The following CD207 variants were observed in gnomAD, a reference collection of about 807,000 sequenced individuals.
CD207 encodes CD207 molecule.
Under a neutral mutation model 31.6 loss-of-function variants are expected in CD207, and 28 were observed. The observed-to-expected ratio is 0.89, with a 90% CI of 0.66 to 1.21. The LOEUF (loss-of-function observed/expected upper bound fraction) is 1.21. Ranked by LOEUF, CD207 falls within the 50% of genes most tolerant of loss-of-function variation. The pLI, the probability that CD207 is intolerant of heterozygous loss-of-function variation, is 0.00. For synonymous variants in CD207, 168 were observed against 153.9 expected (o/e 1.09, Z -0.68); for missense variants, 388 against 397.8 (o/e 0.98, Z 0.21).
chr2:70,831,930 G>T, intron 4 of CD207, 111 bp from the exon 5 acceptor site: 1 of 707,810 alleles, frequency 1.4e-6, no homozygotes, highest in Non-Finnish European at 2.5e-6. Flanking sequence ...CAGATGCGCT[G>T]CACAAACTGG....
downstream of CD207, among the ~76,000 whole-genome samples, chr2:70,829,742 G>T (rs1237908184): frequency 6.6e-6 from 1 of 152,126 alleles, no homozygotes; most frequent in Non-Finnish European, 1.5e-5. Flanking sequence ...ACAACACACT[G>T]CTGGTTACAG....
chr2:70,829,375 T>C (rs1677415702), downstream of CD207, among the ~76,000 whole-genome samples: 1 of 152,156 alleles, frequency 6.6e-6, no homozygotes, highest in Non-Finnish European at 1.5e-5. Flanking sequence ...CCACATGGGG[T>C]CACCCTCAGG....
chr2:70,827,603 A>T (rs1453699362), downstream of CD207, among the ~76,000 whole-genome samples: 1 of 152,180 alleles, frequency 6.6e-6, no homozygotes, highest in Non-Finnish European at 1.5e-5. Context: ...CTTTGTAAGA[A>T]AAAGGGGAAG....
chr2:70,835,578 C>T lies in CD207; in HGVS notation c.103G>A (p.Val35Ile). The stretch of plus-strand genomic sequence containing the variant: ...CGGACTGTGGGTGTTTTCCCCGGGA[C>T]CAGAGATGGACCGGACTTGGGAGGA... ...EPPPKSGPSL[V>I]PGKTPTVRAA... is the part of the protein sequence containing the mutation. Residue 35 changes from valine to isoleucine, a missense_variant, in exon 2 of 6, where the codon GTC (valine) becomes ATC (isoleucine). Coordinates refer to ENST00000410009, the MANE Select transcript of CD207 (RefSeq NM_015717.5). The T allele has an allele frequency of 6.2e-7, 1 of 1,613,898 alleles. No homozygotes were observed. The highest frequency in any genetic ancestry group is 8.5e-7 in the Non-Finnish European group (1 of 1,179,854).
At position 70,831,087 on chromosome 2, in the gene CD207, A is replaced by G. The variant is rs782724974; in HGVS notation, c.950T>C (p.Phe317Ser). 3 of 1,613,782 alleles carry G rather than the reference A, an allele frequency of 1.9e-6. No homozygotes were observed. The East Asian group carries it at 6.7e-5, about 36-fold the overall frequency. ...NDAPCDKTFL[F>S]ICKRPYVPSE... ...TGGGACATAGGGTCGCTTACAAATG[A>G]AAAGAAACGTTTTGTCACATGGGGC... Residue 317 changes from phenylalanine to serine, a missense_variant, in exon 6 of 6, where the codon TTC becomes TCC. Transcript: ENST00000410009.
Position 70,835,520 on chromosome 2 carries a change from A to G in CD207, c.161T>C (p.Val54Ala). The change falls in exon 2 of 6, where the codon GTC becomes GCC. Residue 54 changes from valine to alanine, a missense_variant. Coordinates refer to ENST00000410009, the MANE Select transcript of CD207 (RefSeq NM_015717.5). ...AALICLTLVL[V>A]ASVLLQAVLY... is the part of the protein sequence containing the mutation. ...GACGGCCTGCAGCAGGACGGAGGCG[A>G]CCAGGACCAGCGTCAGGCAGATTAA... 1 of 1,613,786 alleles carries G rather than the reference A, an allele frequency of 6.2e-7. No individual in the cohort carries two copies.
In CD207 at chr2:70,833,618, C is replaced by T. The variant is rs113004501; in HGVS notation, c.565+28G>A. The T allele has an allele frequency of 5.8e-5, 91 of 1,572,860 alleles. No individual in the cohort carries two copies. In the African/African-American group the frequency reaches 1.1e-3, roughly 19 times the overall value. ...TAAGATCCCATGGGCCACTGGTCAG[C>T]TTCAATGTAATTTTCTGAGTCACTT... On this transcript the variant is annotated intron_variant, in intron 3 of 5. Transcript: ENST00000410009.
the CD207 span, among the ~76,000 whole-genome samples, chr2:70,824,173 A>G: frequency 4.6e-5 from 7 of 152,284 alleles, no homozygotes; most frequent in African/African-American, 1.7e-4. Context: ...TAGTAGGGAC[A>G]GCTTCTTGAC....
At position 70,835,613 on chromosome 2, in the gene CD207, G is replaced by A. The variant is rs781797911; in HGVS notation, c.74-6C>T. ...ACCGGACTTGGGAGGAGGCTCTGTT[G>A]GAAGAAGAAGAAAATGTGTGTTGAA... On this transcript the variant is annotated splice_polypyrimidine_tract_variant and splice_region_variant and intron_variant, in intron 1 of 5. Coordinates refer to ENST00000410009, the MANE Select transcript of CD207 (RefSeq NM_015717.5). 8.7e-6 allele frequency: 14 copies of A among 1,612,728 alleles called. No homozygotes were observed. Among genetic ancestry groups the A allele is most frequent in the African/African-American group, 4.0e-5 (3 of 74,918 alleles).
chr2:70,830,985 A>G lies in CD207; in HGVS notation c.*65T>C. 1 of 1,466,198 alleles carries G rather than the reference A, an allele frequency of 6.8e-7. No homozygotes were observed. Among genetic ancestry groups the G allele is most frequent in the Non-Finnish European group, 9.3e-7 (1 of 1,072,344 alleles). The allele number at this position is 1,466,198 out of a possible 1,614,324, so 90.8% of individuals were successfully genotyped here. On this transcript the variant is annotated 3_prime_UTR_variant, in exon 6 of 6. Transcript: ENST00000410009. The stretch of plus-strand genomic sequence containing the variant: ...AAGTCATCCTGGAGTCTGGGGAAGA[A>G]AGAGGCATTTCCTCATGTTTAACAA...
chr2:70,832,855 G>A, intron 4 of CD207, 45 bp downstream of exon 4: 1 of 1,562,138 alleles, frequency 6.4e-7, no homozygotes. Flanking sequence ...CCCTGGCCCA[G>A]TGCTCATACG....
Position 70,831,793 on chromosome 2 carries a change from T to TG in CD207, c.743_744insC (p.Leu249ThrfsTer9). 1 of 1,612,196 alleles carries TG rather than the reference T, an allele frequency of 6.2e-7. No individual in the cohort carries two copies. The highest frequency in any genetic ancestry group is 8.5e-7 in the Non-Finnish European group (1 of 1,178,414). On this transcript the variant is annotated frameshift_variant, in exon 5 of 6. Transcript: ENST00000410009. LOFTEE classifies it high-confidence loss of function. ...TAGTCAGGCCAATCCAGTAGATGAGTCCCCCCGCTGTTTTATACAGAAACT... is the reference window on the plus strand; with the variant it reads ...TAGTCAGGCCAATCCAGTAGATGAGTGCCCCCCGCTGTTTTATACAGAAACT...
At chr2:70,825,600 G>A (rs1419936384), downstream of CD207, among the ~76,000 whole-genome samples, 1 of 152,196 alleles carries the variant, frequency 6.6e-6, no homozygotes, top group African/African-American at 2.4e-5. Flanking sequence ...GTACAGTGGC[G>A]TGATTACAGC....
Position 70,835,604 on chromosome 2 carries a change from G to A in CD207, c.77C>T (p.Pro26Leu), listed in dbSNP as rs1451373781. 5 of 1,613,660 alleles carry A rather than the reference G, an allele frequency of 3.1e-6. No homozygotes were observed. In the East Asian group the frequency reaches 8.9e-5, roughly 29 times the overall value. ...KQNISLWPRE[P>L]PPKSGPSLVP... is the part of the protein sequence containing the mutation. ...CAGAGATGGACCGGACTTGGGAGGA[G>A]GCTCTGTTGGAAGAAGAAGAAAATG... is the stretch of plus-strand genomic sequence containing the variant. The change falls in exon 2 of 6, where the codon CCT (proline) becomes CTT (leucine). Residue 26 changes from proline to leucine, a missense_variant. Pro to Leu is a moderately conservative substitution (Grantham distance 98). Coordinates refer to ENST00000410009, the MANE Select transcript of CD207 (RefSeq NM_015717.5).
rs782092012 is a variant in CD207, at chr2:70,835,613, GGAA to G, written c.74-9_74-7del. 216 of 1,612,844 alleles carry G rather than the reference GGAA, an allele frequency of 1.3e-4. 1 individual carries two copies. In the Admixed American group the frequency reaches 3.6e-3, roughly 27 times the overall value. Reference sequence around the variant, plus strand: ...ACCGGACTTGGGAGGAGGCTCTGTTGGAAGAAGAAGAAAATGTGTGTTGAAGGA... The same window carrying G: ...ACCGGACTTGGGAGGAGGCTCTGTTGGAAGAAGAAAATGTGTGTTGAAGGA... On this transcript the variant is annotated splice_region_variant and splice_polypyrimidine_tract_variant and intron_variant, in intron 1 of 5. Coordinates refer to ENST00000410009, the MANE Select transcript of CD207 (RefSeq NM_015717.5).
At chr2:70,835,103 G>T (rs79890540) in intron 2 of CD207, among the ~76,000 whole-genome samples, 3,606 of 152,196 alleles carry the variant, frequency 0.024, 126 homozygotes, top group African/African-American at 0.082. Context: ...TCCTTCACAG[G>T]GTCAGGAGAC....
the CD207 span, among the ~76,000 whole-genome samples, chr2:70,824,917 T>C: frequency 2.2e-4 from 34 of 152,226 alleles, no homozygotes; most frequent in Non-Finnish European, 4.4e-4. Context: ...CTTCCTACTC[T>C]TTCAGTGTGA....
At chr2:70,828,943 G>C (rs145885528), downstream of CD207, among the ~76,000 whole-genome samples, 1 of 152,136 alleles carries the variant, frequency 6.6e-6, no homozygotes, top group Non-Finnish European at 1.5e-5. Context: ...GGGATTATAG[G>C]CATGAGCCAC....
chr2:70,832,790 T>G, intron 4 of CD207, 110 bp downstream of exon 4: 14 of 1,062,672 alleles, frequency 1.3e-5, no homozygotes, highest in Non-Finnish European at 1.9e-5. Context: ...TCCTTCTTCA[T>G]TAGGTCATCA....
Sources: gnomAD v4.1 joint callset for allele counts (sites outside exome capture counted in the v4.1 genomes callset) on GRCh38, gnomAD v4.1.1 for gene constraint, MANE v1.5 for transcripts, NCBI Gene and HGNC (gene_info 2026-07-23, HGNC 2026-07-21) for gene names.